KIAA1958: variants seen among roughly 807,000 people sequenced by gnomAD.
KIAA1958 encodes KIAA1958, also known as uncharacterized protein KIAA1958.
Under a neutral mutation model 47.2 loss-of-function variants are expected in KIAA1958, and 14 were observed. That is an observed-to-expected ratio of 0.30 (90% CI 0.20 to 0.46). The LOEUF (loss-of-function observed/expected upper bound fraction) is 0.46. Ranked by LOEUF, KIAA1958 falls within the 20% of genes least tolerant of loss-of-function variation. KIAA1958 has a pLI of 1.00. For missense variants in KIAA1958, 803 were observed against 909.2 expected, an observed-to-expected ratio of 0.88 and a Z score of 1.50; for synonymous variants, 354 against 353.3, an observed-to-expected ratio of 1.00 and a Z score of -0.02.
At chr9:112,632,604 T>C (rs1436627707) in intron 2 of KIAA1958, among the ~76,000 whole-genome samples, 1 of 152,190 alleles carries the variant, frequency 6.6e-6, no homozygotes, top group Non-Finnish European at 1.5e-5. Flanking sequence ...GCCTATTTTT[T>C]AATGCATTTT....
chr9:112,589,915 A>G (rs188123405), intron 2 of KIAA1958, among the ~76,000 whole-genome samples: 1 of 152,278 alleles, frequency 6.6e-6, no homozygotes, highest in Non-Finnish European at 1.5e-5. Flanking sequence ...CCTGGCTGGT[A>G]TAGCCATTAT....
chr9:112,635,223 T>C (rs1025395159), intron 2 of KIAA1958, among the ~76,000 whole-genome samples: 9 of 107,740 alleles, frequency 8.4e-5, no homozygotes, highest in African/African-American at 3.5e-4. Context: ...TTTGTGTGTG[T>C]GTGTGTGTGT....
chr9:112,498,390 C>T (rs1289250301), intron 1 of KIAA1958, among the ~76,000 whole-genome samples: 1 of 152,142 alleles, frequency 6.6e-6, no homozygotes, highest in Non-Finnish European at 1.5e-5. Context: ...TCTTTTCCCT[C>T]CCTGGAAAAT....
chr9:112,490,214 A>C (rs1833945399), intron 1 of KIAA1958, among the ~76,000 whole-genome samples: 1 of 152,236 alleles, frequency 6.6e-6, no homozygotes, highest in East Asian at 1.9e-4. Context: ...TACTGTCAAA[A>C]ATAGAGAAGC....
chr9:112,641,417 G>A (rs1371352100), intron 2 of KIAA1958, among the ~76,000 whole-genome samples: 1 of 125,290 alleles, frequency 8.0e-6, no homozygotes, highest in Middle Eastern at 5.1e-3. Flanking sequence ...CCTCTTGGTG[G>A]CTTTTTTTTT....
At chr9:112,501,537 T>A (rs897726481) in intron 1 of KIAA1958, among the ~76,000 whole-genome samples, 1 of 152,196 alleles carries the variant, frequency 6.6e-6, no homozygotes, top group African/African-American at 2.4e-5. Context: ...AAGGAAGGCC[T>A]CTTTCAATCA....
chr9:112,515,895 A>T (rs1485187946), intron 1 of KIAA1958, among the ~76,000 whole-genome samples: 27 of 1,752 alleles, frequency 0.015, no homozygotes, highest in Admixed American at 0.065. Flanking sequence ...AAAATAAATT[A>T]AAAAAAAAAA....
At chr9:112,542,186 T>A (rs539353635) in intron 1 of KIAA1958, among the ~76,000 whole-genome samples, 1 of 152,146 alleles carries the variant, frequency 6.6e-6, no homozygotes, top group Non-Finnish European at 1.5e-5. Context: ...TATGAAAATA[T>A]GCTGATGAAA....
At chr9:112,623,163 C>T (rs1836540859) in intron 2 of KIAA1958, among the ~76,000 whole-genome samples, 1 of 152,172 alleles carries the variant, frequency 6.6e-6, no homozygotes, top group Non-Finnish European at 1.5e-5. Context: ...TCTGTACCAT[C>T]CACTGTGTTC....
At chr9:112,596,566 A>G (rs370746427) in intron 2 of KIAA1958, among the ~76,000 whole-genome samples, 4 of 152,172 alleles carry the variant, frequency 2.6e-5, no homozygotes, top group African/African-American at 7.2e-5. Flanking sequence ...TTTTTTCTCT[A>G]TAGTGTCATG....
At chr9:112,564,055 C>T (rs945328061) in intron 1 of KIAA1958, among the ~76,000 whole-genome samples, 1 of 152,132 alleles carries the variant, frequency 6.6e-6, no homozygotes, top group Non-Finnish European at 1.5e-5. Flanking sequence ...AGGATTTTTA[C>T]ATCAATACTC....
chr9:112,629,755 ATTG>A (rs777772949), intron 2 of KIAA1958, among the ~76,000 whole-genome samples: 27 of 152,252 alleles, frequency 1.8e-4, no homozygotes, highest in Non-Finnish European at 3.5e-4. Flanking sequence ...GTAATTTTCT[ATTG>A]TTTTTGATGT....
intron 2 of KIAA1958, among the ~76,000 whole-genome samples, chr9:112,631,291 G>A (rs1836701691): frequency 6.6e-6 from 1 of 152,146 alleles, no homozygotes; most frequent in African/African-American, 2.4e-5. Flanking sequence ...GGGAGGCCAA[G>A]GCAGTAGGAT....
At chr9:112,632,425 T>G (rs1273541492) in intron 2 of KIAA1958, among the ~76,000 whole-genome samples, 14 of 152,156 alleles carry the variant, frequency 9.2e-5, no homozygotes, top group Admixed American at 9.2e-4. Context: ...CACACTTGTG[T>G]ATTTCTGCAT....
At chr9:112,646,911 C>G (rs368762322) in intron 3 of KIAA1958, among the ~76,000 whole-genome samples, 3 of 152,186 alleles carry the variant, frequency 2.0e-5, no homozygotes, top group African/African-American at 7.2e-5. Context: ...AAATGGCCAA[C>G]AAAGAGTTAG....
intron 1 of KIAA1958, among the ~76,000 whole-genome samples, chr9:112,533,482 G>A (rs888222409): frequency 2.0e-5 from 3 of 150,526 alleles, no homozygotes; most frequent in Non-Finnish European, 4.4e-5. Context: ...TCAGGAGGCG[G>A]AGGCAGTAGA....
At chr9:112,597,375 A>G (rs1836049936) in intron 2 of KIAA1958, among the ~76,000 whole-genome samples, 1 of 152,236 alleles carries the variant, frequency 6.6e-6, no homozygotes, top group African/African-American at 2.4e-5. Flanking sequence ...ACTAAGTCAC[A>G]GAAAGATTAG....
At chr9:112,526,585 C>T (rs145822112) in intron 1 of KIAA1958, among the ~76,000 whole-genome samples, 1 of 152,294 alleles carries the variant, frequency 6.6e-6, no homozygotes, top group African/African-American at 2.4e-5. Flanking sequence ...TTTATTTGCT[C>T]ACAGTTCTGG....
chr9:112,491,306 G>A (rs560825818), intron 1 of KIAA1958, among the ~76,000 whole-genome samples: 2 of 152,138 alleles, frequency 1.3e-5, no homozygotes, highest in Non-Finnish European at 2.9e-5. Flanking sequence ...AAACGTTGAA[G>A]CAATATTTAA....
Sources: gnomAD v4.1 joint callset for allele counts (sites outside exome capture counted in the v4.1 genomes callset) on GRCh38, gnomAD v4.1.1 for gene constraint, MANE v1.5 for transcripts, NCBI Gene and HGNC (gene_info 2026-07-23, HGNC 2026-07-21) for gene names.